The following SORCS1 variants were observed in gnomAD, a reference collection of about 807,000 sequenced individuals.
SORCS1 encodes sortilin related VPS10 domain containing receptor 1.
SORCS1 carries 60 observed loss-of-function variants against 146.1 expected under a neutral mutation model. The ratio of observed to expected loss-of-function variants is 0.41; its 90% CI spans 0.33 to 0.51. SORCS1 has a LOEUF of 0.51. Ranked by LOEUF, SORCS1 falls within the 20% of genes least tolerant of loss-of-function variation. The pLI, the probability that SORCS1 is intolerant of heterozygous loss-of-function variation, is 0.21. For missense variants in SORCS1, 1,352 were observed against 1,487.6 expected (o/e 0.91, Z 1.50); for synonymous variants, 637 against 584.0 (o/e 1.09, Z -1.31).
chr10:106,745,195 A>G (rs369281793), intron 5 of SORCS1, among the ~76,000 whole-genome samples: 1 of 151,922 alleles, frequency 6.6e-6, no homozygotes, highest in Non-Finnish European at 1.5e-5. Context: ...GGGCAGACCA[A>G]GAGGTCAGGA....
chr10:106,926,879 AGAGAGAG>A (rs1564818714), intron 2 of SORCS1, among the ~76,000 whole-genome samples: 12,116 of 140,966 alleles, frequency 0.086, 564 homozygotes, highest in Admixed American at 0.12. Context: ...AGAGAGAGAG[AGAGAGAG>A]AGAGAGAGAG....
At chr10:106,716,104 GT>G (rs1855352138) in intron 6 of SORCS1, among the ~76,000 whole-genome samples, 1 of 151,992 alleles carries the variant, frequency 6.6e-6, no homozygotes, top group African/African-American at 2.4e-5. Context: ...TTTTAAGTAC[GT>G]TTTTAAAAAC....
intron 5 of SORCS1, among the ~76,000 whole-genome samples, chr10:106,761,310 C>T (rs1163608076): frequency 6.6e-6 from 1 of 152,002 alleles, no homozygotes; most frequent in Non-Finnish European, 1.5e-5. Flanking sequence ...AAGGTTCCAC[C>T]AAAATATAAC....
intron 2 of SORCS1, among the ~76,000 whole-genome samples, chr10:106,842,548 A>T (rs1179674216): frequency 6.6e-6 from 1 of 150,740 alleles, no homozygotes; most frequent in Non-Finnish European, 1.5e-5. Flanking sequence ...CTTTCATGAG[A>T]TGTCTGTTCA....
At chr10:107,002,646 C>T (rs890629888) in intron 1 of SORCS1, among the ~76,000 whole-genome samples, 1 of 152,044 alleles carries the variant, frequency 6.6e-6, no homozygotes, top group Non-Finnish European at 1.5e-5. Flanking sequence ...AATTGCATAC[C>T]TGCAAACTAA....
intron 1 of SORCS1, among the ~76,000 whole-genome samples, chr10:107,138,988 A>G (rs1190567193): frequency 1.3e-5 from 2 of 152,160 alleles, no homozygotes; most frequent in African/African-American, 2.4e-5. Flanking sequence ...TGTGTGAGAA[A>G]TTCCTCTGGT....
At chr10:107,092,740 T>C (rs1005378817) in intron 1 of SORCS1, among the ~76,000 whole-genome samples, 4 of 152,140 alleles carry the variant, frequency 2.6e-5, no homozygotes, top group African/African-American at 9.7e-5. Context: ...TTTTTGTGGC[T>C]TTTCACTGGA....
chr10:107,028,787 T>C (rs946248559), intron 1 of SORCS1, among the ~76,000 whole-genome samples: 1 of 152,186 alleles, frequency 6.6e-6, no homozygotes, highest in Non-Finnish European at 1.5e-5. Flanking sequence ...CAGTCTCTCA[T>C]TATCTCTCTC....
intron 2 of SORCS1, among the ~76,000 whole-genome samples, chr10:106,891,653 C>T (rs972135269): frequency 2.0e-5 from 3 of 151,966 alleles, no homozygotes; most frequent in Admixed American, 6.6e-5. Context: ...GCATGAACCA[C>T]GGCACCCTGC....
intron 8 of SORCS1, among the ~76,000 whole-genome samples, chr10:106,703,784 G>A (rs1407495813): frequency 6.6e-6 from 1 of 152,168 alleles, no homozygotes; most frequent in Non-Finnish European, 1.5e-5. Context: ...TTCCACCCAA[G>A]CTGGGGTTTC....
At chr10:106,612,993 T>C (rs1168038916) in intron 21 of SORCS1, among the ~76,000 whole-genome samples, 4 of 152,104 alleles carry the variant, frequency 2.6e-5, no homozygotes, top group Non-Finnish European at 5.9e-5. Context: ...CCCGGCTCAC[T>C]ACCCTCCCCC....
intron 24 of SORCS1, among the ~76,000 whole-genome samples, chr10:106,586,560 T>C (rs1703629916): frequency 6.6e-6 from 1 of 152,194 alleles, no homozygotes; most frequent in African/African-American, 2.4e-5. Context: ...TCCAGACATA[T>C]CCTCTAGCCT....
At chr10:107,121,658 A>G (rs1175274772) in intron 1 of SORCS1, among the ~76,000 whole-genome samples, 1 of 152,224 alleles carries the variant, frequency 6.6e-6, no homozygotes, top group Non-Finnish European at 1.5e-5. Flanking sequence ...CATCATATCA[A>G]TTCCCCAGGG....
intron 2 of SORCS1, among the ~76,000 whole-genome samples, chr10:106,918,137 C>G (rs1484936124): frequency 1.3e-5 from 2 of 152,094 alleles, no homozygotes; most frequent in Non-Finnish European, 2.9e-5. Context: ...TGCCAGACAG[C>G]AGAGAACCCA....
At chr10:106,884,219 T>G (rs968341995) in intron 2 of SORCS1, among the ~76,000 whole-genome samples, 1 of 152,216 alleles carries the variant, frequency 6.6e-6, no homozygotes, top group African/African-American at 2.4e-5. Context: ...TATGAAAATT[T>G]AAGCATTAAA....
At chr10:106,778,851 C>G (rs1266265582) in intron 3 of SORCS1, among the ~76,000 whole-genome samples, 1 of 152,026 alleles carries the variant, frequency 6.6e-6, no homozygotes, top group Non-Finnish European at 1.5e-5. Flanking sequence ...ATAGATCTCC[C>G]CACCTGCTTC....
At chr10:106,586,642 G>A (rs542516386) in intron 24 of SORCS1, among the ~76,000 whole-genome samples, 1 of 152,232 alleles carries the variant, frequency 6.6e-6, no homozygotes, top group African/African-American at 2.4e-5. Flanking sequence ...CAGAAAAAAA[G>A]AAATGGTGAA....
intron 22 of SORCS1, among the ~76,000 whole-genome samples, chr10:106,609,973 AGT>A (rs919635074): frequency 6.6e-6 from 1 of 152,206 alleles, no homozygotes; most frequent in Admixed American, 6.5e-5. Flanking sequence ...AAAGAGCATA[AGT>A]CATCCTTCTT....
intron 5 of SORCS1, among the ~76,000 whole-genome samples, chr10:106,740,168 C>T (rs1857267455): frequency 6.6e-6 from 1 of 152,108 alleles, no homozygotes; most frequent in Non-Finnish European, 1.5e-5. Flanking sequence ...TACATACTAA[C>T]TTTAGAAAAT....
Sources: gnomAD v4.1 joint callset for allele counts (sites outside exome capture counted in the v4.1 genomes callset) on GRCh38, gnomAD v4.1.1 for gene constraint, MANE v1.5 for transcripts, NCBI Gene and HGNC (gene_info 2026-07-23, HGNC 2026-07-21) for gene names.